ARHGAP19: variants seen among roughly 807,000 people sequenced by gnomAD.
ARHGAP19 encodes rho GTPase-activating protein 19.
A neutral mutation model predicts 60.9 loss-of-function variants in ARHGAP19; 48 were observed. The observed-to-expected ratio is 0.79, with a 90% CI of 0.62 to 1.00. The LOEUF is 1.00. ARHGAP19 is among the 50% of genes least tolerant of loss of function. The pLI is 0.00. For missense variants in ARHGAP19, 562 were observed against 597.2 expected (o/e 0.94, Z 0.61); for synonymous variants, 209 against 215.5 (o/e 0.97, Z 0.27).
intron 4 of ARHGAP19, 46 bp from the exon 5 acceptor site, chr10:97,259,674 A>G: frequency 6.9e-7 from 1 of 1,441,970 alleles, no homozygotes. Flanking sequence ...AAATATCAGC[A>G]AGAAAAATCA....
At position 97,265,062 on chromosome 10, in the gene ARHGAP19, G is replaced by A. The variant is rs1017982245; in HGVS notation, c.323-156C>T. 3.3e-5 allele frequency among the ~76,000 whole-genome samples: 5 copies of A among 152,136 alleles called. No homozygotes were observed. The South Asian group carries it at 6.2e-4, about 19-fold the overall frequency. On this transcript the variant is annotated intron_variant, in intron 2 of 11. Transcript: ENST00000358531. The stretch of plus-strand genomic sequence containing the variant: ...TAGAACTGGAAGTGCACCAGAAAAC[G>A]CGAGCAGGACAACTCTCAATCAGCT...
At chr10:97,269,598 C>A (rs1404246538) in intron 1 of ARHGAP19, among the ~76,000 whole-genome samples, 1 of 152,044 alleles carries the variant, frequency 6.6e-6, no homozygotes, top group Non-Finnish European at 1.5e-5. Flanking sequence ...AAGCACGGGT[C>A]AATATAAGAC....
intron 1 of ARHGAP19, among the ~76,000 whole-genome samples, chr10:97,286,999 G>A (rs571374212): frequency 6.6e-6 from 1 of 152,292 alleles, no homozygotes; most frequent in African/African-American, 2.4e-5. Context: ...CCAGGCTAGA[G>A]TGCAATGGCA....
intron 6 of ARHGAP19, among the ~76,000 whole-genome samples, chr10:97,253,524 A>G (rs1842716979): frequency 6.6e-6 from 1 of 152,188 alleles, no homozygotes; most frequent in Non-Finnish European, 1.5e-5. Context: ...CGGTTGGTCA[A>G]TAGGTACAAA....
chr10:97,265,820 C>A lies in ARHGAP19; in HGVS notation c.322+40G>T, dbSNP rs185694839. The stretch of plus-strand genomic sequence containing the variant: ...GATGTTGAGAGAGAAGCCCAGGGAG[C>A]AGCTGAGGCCTGCCCACCCTTCACA... On this transcript the variant is annotated intron_variant, in intron 2 of 11. Coordinates refer to ENST00000358531, the MANE Select transcript of ARHGAP19 (RefSeq NM_032900.6). 30 of 1,593,360 alleles carry A rather than the reference C, an allele frequency of 1.9e-5. No homozygotes were observed. The African/African-American group carries it at 3.5e-4, about 19-fold the overall frequency.
chr10:97,233,205 C>A (rs561112666), intron 9 of ARHGAP19, among the ~76,000 whole-genome samples: 1 of 151,032 alleles, frequency 6.6e-6, no homozygotes, highest in South Asian at 2.1e-4. Flanking sequence ...TAAAAATCAG[C>A]CAGGTATGAT....
chr10:97,229,182 A>T lies in ARHGAP19; in HGVS notation c.1439T>A (p.Leu480Ter). The T allele has an allele frequency of 6.2e-7, 1 of 1,614,160 alleles. No homozygotes were observed. Among genetic ancestry groups the T allele is most frequent in the Non-Finnish European group, 8.5e-7 (1 of 1,180,004 alleles). The change falls in exon 11 of 12, where the codon TTG (leucine) becomes TAG (stop). Residue 480 changes from leucine (L) to a stop codon, truncating the protein, a stop_gained. Transcript: ENST00000358531. LOFTEE classifies it high-confidence loss of function. Reference sequence around the variant, plus strand: ...CTCTTTCTTCCCTTCAGACCACTTCAATCTTGTTGGTGTCATCGTGACAGC... The same window carrying T: ...CTCTTTCTTCCCTTCAGACCACTTCTATCTTGTTGGTGTCATCGTGACAGC... ...SPAVTMTPTR[L>*]KWSEGKKEGK... is the part of the protein sequence containing the mutation.
chr10:97,284,755 C>T (rs1434589507), intron 1 of ARHGAP19, among the ~76,000 whole-genome samples: 7 of 151,876 alleles, frequency 4.6e-5, no homozygotes, highest in African/African-American at 1.7e-4. Flanking sequence ...GATCCTACCA[C>T]CTCAGCCTCC....
intron 1 of ARHGAP19, among the ~76,000 whole-genome samples, chr10:97,274,370 CAGA>C (rs1842998399): frequency 1.3e-5 from 2 of 151,772 alleles, no homozygotes; most frequent in South Asian, 4.2e-4. Flanking sequence ...GAGGCTGAGG[CAGA>C]AGAACTGCTT....
At chr10:97,285,336 TTTTTA>T (rs1843139453) in intron 1 of ARHGAP19, among the ~76,000 whole-genome samples, 1 of 151,912 alleles carries the variant, frequency 6.6e-6, no homozygotes, top group African/African-American at 2.4e-5. Context: ...AACAAATTTA[TTTTTA>T]TTTATTTTTT....
rs1183323380 is a variant in ARHGAP19 at position 97,224,060 on chromosome 10, A to G, written c.*2062T>C. 2 of 152,210 alleles carry G rather than the reference A, an allele frequency of 1.3e-5. No homozygotes were observed. Among genetic ancestry groups the G allele is most frequent in the Non-Finnish European group, 2.9e-5 (2 of 68,030 alleles). The allele number at this position is 152,210 out of a possible 1,614,324, so 9.4% of individuals were successfully genotyped here. On this transcript the variant is annotated 3_prime_UTR_variant, in exon 12 of 12. Transcript: ENST00000358531. ...TGCTTATGATTCCATTCACCCAAAG[A>G]GCATCTACATCCGTCTAAATCTCAG...
At chr10:97,286,764 AG>A (rs565979380) in intron 1 of ARHGAP19, among the ~76,000 whole-genome samples, 329 of 152,294 alleles carry the variant, frequency 2.2e-3, no homozygotes, top group African/African-American at 7.4e-3. Flanking sequence ...ATGTAATAAT[AG>A]TTAGCACTTT....
At position 97,237,464 on chromosome 10, in the gene ARHGAP19, G is replaced by A. The variant is rs560107019; in HGVS notation, c.1186-2149C>T. 4.6e-5 allele frequency among the ~76,000 whole-genome samples: 7 copies of A among 152,134 alleles called. No homozygotes were observed. In the South Asian group the frequency reaches 8.3e-4, roughly 18 times the overall value. On this transcript the variant is annotated intron_variant, in intron 8 of 11. Transcript: ENST00000358531. ...ATCACTGCTGTCCTAACATCACAGC[G>A]CAATGTGTTACTCAAGTGACTGCAG...
At chr10:97,288,809 CTTTTT>C (rs750951743) in intron 1 of ARHGAP19, among the ~76,000 whole-genome samples, 6 of 120,004 alleles carry the variant, frequency 5.0e-5, no homozygotes, top group Non-Finnish European at 1.0e-4. Flanking sequence ...AACTTCTCTC[CTTTTT>C]TTTTTTTTTT....
chr10:97,239,624 T>C (rs1167017640), intron 8 of ARHGAP19, among the ~76,000 whole-genome samples: 1 of 148,988 alleles, frequency 6.7e-6, no homozygotes, highest in Non-Finnish European at 1.5e-5. Flanking sequence ...TGTGGCACCC[T>C]GGATTGGATC....
At chr10:97,250,005 C>G (rs990390012) in intron 6 of ARHGAP19, among the ~76,000 whole-genome samples, 1 of 151,924 alleles carries the variant, frequency 6.6e-6, no homozygotes, top group Non-Finnish European at 1.5e-5. Context: ...AGGATGGTCT[C>G]GATCTCCTGA....
intron 6 of ARHGAP19, among the ~76,000 whole-genome samples, chr10:97,247,555 T>G (rs1022344968): frequency 6.6e-6 from 1 of 152,056 alleles, no homozygotes; most frequent in Admixed American, 6.6e-5. Context: ...AATCAAAAAA[T>G]TGGATACAAC....
At chr10:97,288,436 T>A (rs1047901155) in intron 1 of ARHGAP19, among the ~76,000 whole-genome samples, 31 of 151,750 alleles carry the variant, frequency 2.0e-4, no homozygotes, top group Middle Eastern at 6.8e-3. Flanking sequence ...AGAAATTAGT[T>A]GAGCGTGCTG....
chr10:97,243,940 C>T, intron 8 of ARHGAP19, 28 bp downstream of exon 8: 1 of 1,559,894 alleles, frequency 6.4e-7, no homozygotes, highest in Non-Finnish European at 8.7e-7. Context: ...TCCTAAAGCC[C>T]CATCACAACT....
Sources: allele counts gnomAD v4.1 joint callset (sites outside exome capture counted in the v4.1 genomes callset), GRCh38; gene constraint gnomAD v4.1.1; transcripts MANE v1.5; gene names NCBI Gene and HGNC (gene_info 2026-07-23, HGNC 2026-07-21).